ATP9A: variants seen among roughly 807,000 people sequenced by gnomAD.
The protein encoded by ATP9A is probable phospholipid-transporting ATPase IIA.
ATP9A carries 52 observed loss-of-function variants against 144.1 expected under a neutral mutation model. The observed-to-expected ratio is 0.36, with a 90% CI of 0.29 to 0.45. ATP9A has a LOEUF of 0.45. ATP9A is among the 20% of genes least tolerant of loss of function. ATP9A has a pLI of 1.00. For synonymous variants in ATP9A, 582 were observed against 557.4 expected (o/e 1.04, Z -0.62); for missense variants, 947 against 1,392.7 (o/e 0.68, Z 5.09).
intron 14 of ATP9A, among the ~76,000 whole-genome samples, chr20:51,651,805 T>C (rs1390755420): frequency 6.6e-6 from 1 of 151,976 alleles, no homozygotes; most frequent in East Asian, 1.9e-4. Flanking sequence ...GGTGGGCACC[T>C]GTAGTCCCAG....
intron 1 of ATP9A, among the ~76,000 whole-genome samples, chr20:51,754,921 C>T (rs540265972): frequency 6.6e-6 from 1 of 151,618 alleles, no homozygotes; most frequent in African/African-American, 2.4e-5. Context: ...ACCAGCCTGT[C>T]CAACATGGTG....
At chr20:51,694,300 G>A (rs1163819065) in intron 6 of ATP9A, among the ~76,000 whole-genome samples, 198 bp from the exon 7 acceptor site, 1 of 152,072 alleles carries the variant, frequency 6.6e-6, no homozygotes, top group African/African-American at 2.4e-5. Flanking sequence ...TCCTCACTCC[G>A]CCACTCCCTC....
chr20:51,727,274 CA>C (rs536544760), intron 2 of ATP9A, among the ~76,000 whole-genome samples: 127 of 135,224 alleles, frequency 9.4e-4, no homozygotes, highest in Admixed American at 1.4e-3. Flanking sequence ...AACTCCATCT[CA>C]AAAAAAAAAA....
intron 17 of ATP9A, among the ~76,000 whole-genome samples, chr20:51,626,589 G>A (rs1429664985): frequency 6.6e-6 from 1 of 150,724 alleles, no homozygotes; most frequent in African/African-American, 2.4e-5. Flanking sequence ...GCAGGAGGAT[G>A]GCTTGAGGCC....
intron 3 of ATP9A, among the ~76,000 whole-genome samples, chr20:51,717,644 A>C (rs143142475): frequency 6.6e-6 from 1 of 152,220 alleles, no homozygotes; most frequent in African/African-American, 2.4e-5. Flanking sequence ...AGAAGGCCTC[A>C]GTGGAAATAA....
intron 9 of ATP9A, among the ~76,000 whole-genome samples, chr20:51,684,454 T>C (rs2077513344): frequency 6.6e-6 from 1 of 151,224 alleles, no homozygotes; most frequent in Non-Finnish European, 1.5e-5. Flanking sequence ...CCCAGCACTT[T>C]GGGAGGCTGA....
At chr20:51,767,024 T>G (rs1490465612) in intron 1 of ATP9A, among the ~76,000 whole-genome samples, 1 of 151,404 alleles carries the variant, frequency 6.6e-6, no homozygotes, top group South Asian at 2.1e-4. Flanking sequence ...CTTCGGAGGA[T>G]TCAGGAAGCC....
intron 9 of ATP9A, among the ~76,000 whole-genome samples, chr20:51,678,359 A>T (rs1026320867): frequency 6.6e-6 from 1 of 152,176 alleles, no homozygotes; most frequent in African/African-American, 2.4e-5. Flanking sequence ...AAATCCGAAG[A>T]GGCTGAAGCA....
At chr20:51,698,131 C>T (rs971770815) in intron 4 of ATP9A, among the ~76,000 whole-genome samples, 5 of 152,212 alleles carry the variant, frequency 3.3e-5, no homozygotes, top group African/African-American at 1.2e-4. Context: ...GTCCCACCTT[C>T]CCCCAAAGTC....
rs111867650 is a variant in ATP9A at position 51,717,964 on chromosome 20, G to A, written c.328-4890C>T. 2.0e-3 allele frequency among the ~76,000 whole-genome samples: 300 copies of A among 150,606 alleles called. 1 individual carries two copies. The highest frequency in any genetic ancestry group is 3.7e-3 in the Non-Finnish European group (253 of 67,598). ...GACTCCGTCTCAAAAAAAAAAAAAA[G>A]AAAGAAAGAAAAGGAAAAATGTATG... On this transcript the variant is annotated intron_variant, in intron 3 of 27. Transcript: ENST00000338821.
intron 15 of ATP9A, among the ~76,000 whole-genome samples, chr20:51,638,009 T>A (rs76640102): frequency 0.12 from 16,646 of 139,560 alleles, 1,358 homozygotes; most frequent in Non-Finnish European, 0.17. Flanking sequence ...CCCAATCCCA[T>A]CCAGTTTGCA....
rs1392333888 is a variant in ATP9A at position 51,636,222 on chromosome 20, T to C, written c.1668+3121A>G. Among the ~76,000 whole-genome samples, 6 of 152,186 alleles carry C rather than the reference T, an allele frequency of 3.9e-5. No individual in the cohort carries two copies. The East Asian group carries it at 1.2e-3, about 29-fold the overall frequency. ...CCTGAGTGACTAGCAAGCAGGCAGG[T>C]AGATGGCGTGAGTACACTAGACAGA... On this transcript the variant is annotated intron_variant, in intron 15 of 27. Transcript: ENST00000338821.
chr20:51,638,071 T>TTATATATATATATATATATA (rs56043552), intron 15 of ATP9A, among the ~76,000 whole-genome samples: 3 of 34,186 alleles, frequency 8.8e-5, no homozygotes, highest in African/African-American at 8.6e-5. Flanking sequence ...TTTCATCATT[T>TTATATATATATATATATATA]TATATATATA....
chr20:51,760,455 G>A (rs1020209636), intron 1 of ATP9A, among the ~76,000 whole-genome samples: 1 of 152,134 alleles, frequency 6.6e-6, no homozygotes, highest in African/African-American at 2.4e-5. Context: ...GGCAGGGCAC[G>A]GTGGCTCACA....
intron 1 of ATP9A, among the ~76,000 whole-genome samples, chr20:51,739,703 C>T (rs968283018): frequency 1.3e-5 from 2 of 152,196 alleles, no homozygotes; most frequent in Non-Finnish European, 2.9e-5. Context: ...TGTGCGCAGG[C>T]TCCAGGCTTA....
At chr20:51,742,145 G>A (rs779210011) in intron 1 of ATP9A, among the ~76,000 whole-genome samples, 35 of 152,030 alleles carry the variant, frequency 2.3e-4, no homozygotes, top group African/African-American at 8.2e-4. Context: ...GCAACACGGT[G>A]AGACCTCATC....
chr20:51,693,845 C>T (rs1186778375), intron 7 of ATP9A, among the ~76,000 whole-genome samples, 163 bp downstream of exon 7: 1 of 152,188 alleles, frequency 6.6e-6, no homozygotes. Flanking sequence ...GCTTTGGTCA[C>T]GTCAGGAAAG....
intron 3 of ATP9A, among the ~76,000 whole-genome samples, chr20:51,717,626 AG>A (rs77683270): frequency 0.22 from 33,453 of 152,028 alleles, 4,326 homozygotes; most frequent in East Asian, 0.44. Context: ...AGGTGGGAGT[AG>A]GGGCAGAGAA....
intron 5 of ATP9A, 103 bp from the exon 6 acceptor site, chr20:51,696,247 G>A (rs2077570379): frequency 1.1e-6 from 1 of 917,046 alleles, no homozygotes; most frequent in African/African-American, 1.7e-5. Flanking sequence ...GGTGGGTTGG[G>A]GCAGGGGGGA....
Sources: gnomAD v4.1 joint callset for allele counts (sites outside exome capture counted in the v4.1 genomes callset) on GRCh38, gnomAD v4.1.1 for gene constraint, MANE v1.5 for transcripts, NCBI Gene and HGNC (gene_info 2026-07-23, HGNC 2026-07-21) for gene names.